Variants in AKAP6 observed in about 807,000 individuals in gnomAD.
The protein encoded by AKAP6 is A-kinase anchoring protein 6, also known as A-kinase anchor protein 6.
Under a neutral mutation model 188.5 loss-of-function variants are expected in AKAP6, and 58 were observed. That is an observed-to-expected ratio of 0.31 (90% CI 0.25 to 0.38). AKAP6 has a LOEUF of 0.38. Ranked by LOEUF, AKAP6 falls within the 10% of genes least tolerant of loss-of-function variation. The pLI, the probability that AKAP6 is intolerant of heterozygous loss-of-function variation, is 1.00. For synonymous variants in AKAP6, 989 were observed against 998.6 expected (o/e 0.99, Z 0.18); for missense variants, 2,710 against 2,740.0 (o/e 0.99, Z 0.24).
At chr14:32,533,232 G>A (rs1424252364) in intron 2 of AKAP6, among the ~76,000 whole-genome samples, 1 of 152,200 alleles carries the variant, frequency 6.6e-6, no homozygotes, top group Non-Finnish European at 1.5e-5. Flanking sequence ...GTGTAATGTA[G>A]AGGAGTAAAA....
chr14:32,561,106 C>T (rs1052303879), intron 4 of AKAP6, among the ~76,000 whole-genome samples: 2 of 152,250 alleles, frequency 1.3e-5, no homozygotes, highest in Admixed American at 1.3e-4. Flanking sequence ...TTGAATAAGT[C>T]ACTTAAAGCT....
intron 11 of AKAP6, among the ~76,000 whole-genome samples, chr14:32,756,477 G>T (rs1225817902): frequency 1.3e-5 from 2 of 152,140 alleles, no homozygotes; most frequent in Admixed American, 6.5e-5. Flanking sequence ...GCACACTGGA[G>T]CCTAAGGCAA....
At chr14:32,656,231 T>C (rs1888449172) in intron 7 of AKAP6, among the ~76,000 whole-genome samples, 1 of 152,204 alleles carries the variant, frequency 6.6e-6, no homozygotes, top group African/African-American at 2.4e-5. Context: ...TTCTGTTTTA[T>C]GTGACTTTTA....
chr14:32,516,497 G>C (rs187668341), intron 2 of AKAP6, among the ~76,000 whole-genome samples: 3 of 152,228 alleles, frequency 2.0e-5, no homozygotes, highest in African/African-American at 7.2e-5. Flanking sequence ...ACCTTGATCA[G>C]GTTTCTTATA....
At chr14:32,668,294 C>A (rs887842657) in intron 7 of AKAP6, among the ~76,000 whole-genome samples, 1 of 152,074 alleles carries the variant, frequency 6.6e-6, no homozygotes, top group African/African-American at 2.4e-5. Flanking sequence ...TAGATAAAAG[C>A]TCTTCACAAA....
chr14:32,377,260 A>T (rs1178261971), intron 1 of AKAP6, among the ~76,000 whole-genome samples: 1 of 152,184 alleles, frequency 6.6e-6, no homozygotes, highest in African/African-American at 2.4e-5. Context: ...CGCTCATTCT[A>T]GCTTACTATT....
chr14:32,697,710 AT>A lies in AKAP6; in HGVS notation c.3000+1606del, dbSNP rs147577137. Reference sequence around the variant, plus strand: ...TTTTTTATTTTGCACATAAGCCACTATTTTTTCAGAAACAGTGCTATTCTTT... The same window carrying A: ...TTTTTTATTTTGCACATAAGCCACTATTTTTCAGAAACAGTGCTATTCTTT... On this transcript the variant is annotated intron_variant, in intron 9 of 13. Coordinates refer to ENST00000280979, the MANE Select transcript of AKAP6 (RefSeq NM_004274.5). Among the ~76,000 whole-genome samples the A allele has an allele frequency of 3.1e-3, 471 of 152,152 alleles. 3 individuals are homozygous for A. The highest frequency in any genetic ancestry group is 0.01 in the African/African-American group (433 of 41,540).
chr14:32,552,541 A>T lies in AKAP6; in HGVS notation c.2346+5542A>T, dbSNP rs537158150. On this transcript the variant is annotated intron_variant, in intron 4 of 13. Coordinates refer to ENST00000280979, the MANE Select transcript of AKAP6 (RefSeq NM_004274.5). ...AGAATAATAAAGACTAAGGGGAAAA[A>T]ACCCAACAACCTTTAGATTTGTTTG... Among the ~76,000 whole-genome samples the T allele has an allele frequency of 2.0e-4, 30 of 152,282 alleles. 1 individual carries two copies. Among genetic ancestry groups the T allele is most frequent in the African/African-American group, 7.2e-4 (30 of 41,524 alleles).
At position 32,451,216 on chromosome 14, in the gene AKAP6, T is replaced by G. The variant is rs142797225; in HGVS notation, c.324+17399T>G. On this transcript the variant is annotated intron_variant, in intron 2 of 13. Transcript: ENST00000280979. ...AAAATAAGATATTTTGTTGCTTCAG[T>G]AATTTTGATATAATCAAAACTCATA... Among the ~76,000 whole-genome samples, 457 of 152,334 alleles carry G rather than the reference T, an allele frequency of 3.0e-3. 1 individual carries two copies. Among genetic ancestry groups the G allele is most frequent in the African/African-American group, 0.01 (426 of 41,578 alleles).
Position 32,679,639 on chromosome 14 carries a change from A to G in AKAP6, c.2879+1180A>G, listed in dbSNP as rs146173978. Among the ~76,000 whole-genome samples the G allele has an allele frequency of 3.7e-3, 565 of 152,304 alleles. 2 individuals are homozygous for G. Among genetic ancestry groups the G allele is most frequent in the African/African-American group, 0.012 (511 of 41,572 alleles). Reference sequence around the variant, plus strand: ...TTCTTATTGTAAAAACCCATTGTCTAAGAATATAGGAAATAACTCCTGTAT... The same window carrying G: ...TTCTTATTGTAAAAACCCATTGTCTGAGAATATAGGAAATAACTCCTGTAT... On this transcript the variant is annotated intron_variant, in intron 8 of 13. Coordinates refer to ENST00000280979, the MANE Select transcript of AKAP6 (RefSeq NM_004274.5).
At chr14:32,622,819 A>T (rs898281326) in intron 7 of AKAP6, among the ~76,000 whole-genome samples, 1 of 152,132 alleles carries the variant, frequency 6.6e-6, no homozygotes, top group African/African-American at 2.4e-5. Context: ...CCCAAGGTGA[A>T]GGTGGGCATG....
intron 11 of AKAP6, among the ~76,000 whole-genome samples, chr14:32,765,426 T>C (rs946723023): frequency 3.9e-5 from 6 of 152,202 alleles, no homozygotes; most frequent in African/African-American, 1.4e-4. Context: ...TATATGATTA[T>C]ATATGAAATT....
intron 2 of AKAP6, among the ~76,000 whole-genome samples, chr14:32,507,270 G>A (rs561902570): frequency 2.0e-5 from 3 of 152,172 alleles, no homozygotes; most frequent in Non-Finnish European, 4.4e-5. Context: ...GTAGTCTAAT[G>A]TTTGCACAAG....
intron 11 of AKAP6, among the ~76,000 whole-genome samples, chr14:32,771,598 A>G (rs1182342169): frequency 1.3e-5 from 2 of 152,166 alleles, no homozygotes; most frequent in Non-Finnish European, 2.9e-5. Flanking sequence ...GAAAATGCCT[A>G]TAAGGTGAAT....
chr14:32,540,168 C>CTCTCTCTCTCTCTCTATATA (rs1240063339), intron 3 of AKAP6, among the ~76,000 whole-genome samples: 7 of 60,918 alleles, frequency 1.1e-4, no homozygotes, highest in African/African-American at 6.8e-4. Context: ...CTCTCTCTCT[C>CTCTCTCTCTCTCTCTATATA]TATATATATA....
At chr14:32,520,174 A>G (rs1289932328) in intron 2 of AKAP6, among the ~76,000 whole-genome samples, 2 of 152,198 alleles carry the variant, frequency 1.3e-5, no homozygotes, top group East Asian at 3.8e-4. Flanking sequence ...ACATACCAGA[A>G]TCTCTGGGAC....
intron 9 of AKAP6, among the ~76,000 whole-genome samples, chr14:32,727,460 G>T (rs1360685924): frequency 6.6e-6 from 1 of 152,136 alleles, no homozygotes; most frequent in East Asian, 1.9e-4. Flanking sequence ...CTTTAAAAAA[G>T]ATTGTTTTAT....
chr14:32,652,267 C>A (rs1242657006), intron 7 of AKAP6, among the ~76,000 whole-genome samples: 1 of 152,140 alleles, frequency 6.6e-6, no homozygotes, highest in African/African-American at 2.4e-5. Flanking sequence ...TTTCACTGTT[C>A]TTCTCCCCTT....
At chr14:32,563,440 A>G (rs1275552199) in intron 4 of AKAP6, among the ~76,000 whole-genome samples, 1 of 152,178 alleles carries the variant, frequency 6.6e-6, no homozygotes, top group South Asian at 2.1e-4. Flanking sequence ...TAAACACTCA[A>G]TAAATGTTAG....
Sources: allele counts gnomAD v4.1 joint callset (sites outside exome capture counted in the v4.1 genomes callset), GRCh38; gene constraint gnomAD v4.1.1; transcripts MANE v1.5; gene names NCBI Gene and HGNC (gene_info 2026-07-23, HGNC 2026-07-21).